KLHL1: variants seen among roughly 807,000 people sequenced by gnomAD.
KLHL1 encodes the protein kelch-like protein 1.
KLHL1 carries 47 observed loss-of-function variants against 77.7 expected under a neutral mutation model. That is an observed-to-expected ratio of 0.60 (90% CI 0.48 to 0.77). KLHL1 has a LOEUF of 0.77. Among genes scored for constraint, KLHL1 ranks in the 30% least tolerant of loss-of-function variants. The pLI, the probability that KLHL1 is intolerant of heterozygous loss-of-function variation, is 0.00. For missense variants in KLHL1, 925 were observed against 910.8 expected (o/e 1.02, Z -0.20); for synonymous variants, 360 against 325.2 (o/e 1.11, Z -1.15).
intron 2 of KLHL1, 98 bp downstream of exon 2, chr13:69,975,522 C>A: frequency 2.0e-6 from 2 of 986,764 alleles, no homozygotes; most frequent in South Asian, 1.7e-5. Flanking sequence ...AATGTGAATC[C>A]TTATTTCTGT....
intron 1 of KLHL1, among the ~76,000 whole-genome samples, chr13:70,031,508 T>A (rs1421580550): frequency 6.6e-6 from 1 of 152,194 alleles, no homozygotes; most frequent in Non-Finnish European, 1.5e-5. Flanking sequence ...GAGAAAAATA[T>A]TTTTTCTTCC....
chr13:69,708,754 C>T (rs918246619), intron 9 of KLHL1, among the ~76,000 whole-genome samples: 3 of 151,688 alleles, frequency 2.0e-5, no homozygotes, highest in African/African-American at 7.3e-5. Context: ...TGCCTTTGGC[C>T]CACAATTGCA....
At position 70,107,708 on chromosome 13, in the gene KLHL1, C is replaced by T; in HGVS notation, c.-9G>A. 6.6e-7 allele frequency: 1 copy of T among 1,512,686 alleles called. No homozygotes were observed. Among genetic ancestry groups the T allele is most frequent in the Non-Finnish European group, 8.8e-7 (1 of 1,135,746 alleles). 93.7% of individuals were successfully genotyped at this position (1,512,686 alleles called of 1,614,324 possible). ...CGCCCAGAGCCTGACATGCTTTACG[C>T]ACAGAAGGCAAAAGGCTGGCAGCTC... is the stretch of plus-strand genomic sequence containing the variant. On this transcript the variant is annotated 5_prime_UTR_variant, in exon 1 of 11. Transcript: ENST00000377844.
intron 6 of KLHL1, among the ~76,000 whole-genome samples, chr13:69,808,882 G>T (rs929104536): frequency 6.6e-6 from 1 of 151,902 alleles, no homozygotes; most frequent in Non-Finnish European, 1.5e-5. Context: ...CAGATTTTCT[G>T]CAATTAAAAA....
chr13:69,883,863 C>T (rs980171147), intron 4 of KLHL1, among the ~76,000 whole-genome samples: 7 of 152,214 alleles, frequency 4.6e-5, no homozygotes, highest in African/African-American at 1.7e-4. Flanking sequence ...GTTTGGCCTT[C>T]TCTGCTCCAC....
intron 7 of KLHL1, among the ~76,000 whole-genome samples, chr13:69,753,084 C>G (rs1384220484): frequency 6.6e-6 from 1 of 152,070 alleles, no homozygotes; most frequent in African/African-American, 2.4e-5. Context: ...CCTGCCCAAT[C>G]CTCCTTCCTC....
chr13:70,068,858 G>C (rs772405912), intron 1 of KLHL1, among the ~76,000 whole-genome samples: 22 of 152,090 alleles, frequency 1.4e-4, no homozygotes, highest in Non-Finnish European at 5.9e-5. Context: ...GTCTCGTCGT[G>C]GGGGAGGAGG....
chr13:70,079,977 G>A (rs1358324471), intron 1 of KLHL1, among the ~76,000 whole-genome samples: 1 of 152,166 alleles, frequency 6.6e-6, no homozygotes, highest in East Asian at 1.9e-4. Context: ...AGGATGTGAT[G>A]GTGAATCCCA....
chr13:69,752,299 C>T (rs779018880), intron 7 of KLHL1, among the ~76,000 whole-genome samples: 45 of 152,074 alleles, frequency 3.0e-4, no homozygotes, highest in Non-Finnish European at 5.4e-4. Context: ...TAATGCACCC[C>T]GTTGCCTCTA....
At chr13:69,774,304 A>G (rs1875716855) in intron 7 of KLHL1, among the ~76,000 whole-genome samples, 1 of 152,056 alleles carries the variant, frequency 6.6e-6, no homozygotes, top group African/African-American at 2.4e-5. Flanking sequence ...GTACAAATAT[A>G]TAGTTGCAAA....
intron 3 of KLHL1, among the ~76,000 whole-genome samples, chr13:69,957,071 T>C (rs1883910846): frequency 6.6e-6 from 1 of 151,624 alleles, no homozygotes; most frequent in Non-Finnish European, 1.5e-5. Context: ...AACTTTAACT[T>C]CACCCTGCCA....
intron 7 of KLHL1, among the ~76,000 whole-genome samples, chr13:69,750,436 G>A (rs113230792): frequency 6.6e-6 from 1 of 151,124 alleles, no homozygotes; most frequent in African/African-American, 2.4e-5. Context: ...GGAAAGAAAT[G>A]GATAAGTAAA....
chr13:69,983,359 A>G (rs1376470619), intron 1 of KLHL1, among the ~76,000 whole-genome samples: 2 of 152,082 alleles, frequency 1.3e-5, no homozygotes, highest in African/African-American at 4.8e-5. Flanking sequence ...TGAAATTTGT[A>G]TGAAATTTAT....
At chr13:69,891,965 A>C (rs1216263988) in intron 4 of KLHL1, among the ~76,000 whole-genome samples, 1 of 152,076 alleles carries the variant, frequency 6.6e-6, no homozygotes, top group Non-Finnish European at 1.5e-5. Context: ...ATTTAACAAA[A>C]CTAACAAATT....
At chr13:70,008,529 A>G (rs1885458368) in intron 1 of KLHL1, among the ~76,000 whole-genome samples, 1 of 152,050 alleles carries the variant, frequency 6.6e-6, no homozygotes, top group Non-Finnish European at 1.5e-5. Context: ...ACCATTTGAT[A>G]TATACATTAA....
chr13:69,955,628 T>C (rs1194267207), intron 3 of KLHL1, among the ~76,000 whole-genome samples: 1 of 151,102 alleles, frequency 6.6e-6, no homozygotes, highest in African/African-American at 2.4e-5. Flanking sequence ...GTCAGGATAG[T>C]AGAGACTATG....
At chr13:69,882,072 G>A (rs141674256) in intron 5 of KLHL1, among the ~76,000 whole-genome samples, 58 of 152,162 alleles carry the variant, frequency 3.8e-4, no homozygotes, top group African/African-American at 1.3e-3. Context: ...TCTTACAAGT[G>A]GCCATGAGTC....
chr13:69,796,063 C>T (rs369794607), intron 7 of KLHL1, among the ~76,000 whole-genome samples: 20 of 152,224 alleles, frequency 1.3e-4, no homozygotes, highest in Admixed American at 6.5e-4. Context: ...CTGTACATAT[C>T]GTATGATCTT....
intron 4 of KLHL1, among the ~76,000 whole-genome samples, chr13:69,911,570 A>G (rs75018918): frequency 0.018 from 2 of 110 alleles, no homozygotes; most frequent in Non-Finnish European, 0.091. Flanking sequence ...ATCATCAAGA[A>G]AAAAAAAAAA....
Sources: gnomAD v4.1 joint callset for allele counts (sites outside exome capture counted in the v4.1 genomes callset) on GRCh38, gnomAD v4.1.1 for gene constraint, MANE v1.5 for transcripts, NCBI Gene and HGNC (gene_info 2026-07-23, HGNC 2026-07-21) for gene names.